Variants in AKAP6 observed in about 807,000 individuals in gnomAD.
AKAP6 encodes A-kinase anchor protein 6.
AKAP6 carries 58 observed loss-of-function variants against 188.5 expected under a neutral mutation model. That is an observed-to-expected ratio of 0.31 (90% CI 0.25 to 0.38). The LOEUF (loss-of-function observed/expected upper bound fraction) is 0.38. AKAP6 is among the 10% of genes least tolerant of loss of function. The pLI is 1.00. For synonymous variants in AKAP6, 989 were observed against 998.6 expected, an observed-to-expected ratio of 0.99 and a Z score of 0.18; for missense variants, 2,710 against 2,740.0, an observed-to-expected ratio of 0.99 and a Z score of 0.24.
rs1235466012 is a variant in AKAP6 at position 32,348,408 on chromosome 14, C to CT, written c.-35+19004dup. Among the ~76,000 whole-genome samples, 438 of 88,564 alleles carry CT rather than the reference C, an allele frequency of 4.9e-3. 7 individuals carry two copies. Among genetic ancestry groups the CT allele is most frequent in the Non-Finnish European group, 6.8e-3 (352 of 51,432 alleles). The allele number at this position is 88,564 out of a possible 152,430, so 58.1% of individuals were successfully genotyped here. A position where few individuals can be genotyped will look rare whatever the true frequency, so the allele number is the denominator to read the frequency against. ...TTGTCTGAATGGGGTTCTTTCTTTTCTTTTGTTTCTTTTTTTTTTTTTTTT... is the reference window on the plus strand; with the variant it reads ...TTGTCTGAATGGGGTTCTTTCTTTTCTTTTTGTTTCTTTTTTTTTTTTTTTT... On this transcript the variant is annotated intron_variant, in intron 1 of 13. Transcript: ENST00000280979.
intron 5 of AKAP6, among the ~76,000 whole-genome samples, chr14:32,581,881 T>C (rs556202982): frequency 6.2e-4 from 95 of 152,340 alleles, no homozygotes; most frequent in African/African-American, 2.2e-3. Flanking sequence ...TTTGAGCCTA[T>C]GTGTGTCTCT....
intron 2 of AKAP6, among the ~76,000 whole-genome samples, chr14:32,441,820 G>A (rs1957018): frequency 0.73 from 110,614 of 152,132 alleles, 41,222 homozygotes; most frequent in African/African-American, 0.88. Flanking sequence ...ATTAATACAG[G>A]TTTTACAATT....
chr14:32,476,463 T>G (rs1879070503), intron 2 of AKAP6, among the ~76,000 whole-genome samples: 1 of 152,212 alleles, frequency 6.6e-6, no homozygotes, highest in East Asian at 1.9e-4. Flanking sequence ...AGGTTTAAGT[T>G]GAACTTTCCT....
In AKAP6 at chr14:32,535,444, T is replaced by C. The variant is rs892091576; in HGVS notation, c.325-110T>C. 4 of 1,291,184 alleles carry C rather than the reference T, an allele frequency of 3.1e-6. No individual in the cohort carries two copies. The African/African-American group carries it at 4.5e-5, about 14-fold the overall frequency. The allele number at this position is 1,291,184 out of a possible 1,614,324, so 80.0% of individuals were successfully genotyped here. On this transcript the variant is annotated intron_variant, in intron 2 of 13. Coordinates refer to ENST00000280979, the MANE Select transcript of AKAP6 (RefSeq NM_004274.5). ...AGGCCCCAGGTATCCAATGTGCTAC[T>C]GTTGGCCCTGATAATTGGTGTTAGG...
At chr14:32,794,097 C>T (rs1488167462) in intron 12 of AKAP6, among the ~76,000 whole-genome samples, 1 of 152,140 alleles carries the variant, frequency 6.6e-6, no homozygotes, top group Non-Finnish European at 1.5e-5. Context: ...ATCACATAAT[C>T]AGAGGTAAAA....
chr14:32,358,550 C>CA (rs1437107978), intron 1 of AKAP6, among the ~76,000 whole-genome samples: 1 of 152,000 alleles, frequency 6.6e-6, no homozygotes, highest in African/African-American at 2.4e-5. Flanking sequence ...TGCAGTGAGC[C>CA]AGAGCAGTTG....
At chr14:32,729,776 C>A (rs1030636064) in intron 9 of AKAP6, among the ~76,000 whole-genome samples, 2 of 152,072 alleles carry the variant, frequency 1.3e-5, no homozygotes, top group African/African-American at 4.8e-5. Context: ...TTTACCTTAG[C>A]ACTCAAGAAA....
intron 8 of AKAP6, among the ~76,000 whole-genome samples, chr14:32,685,592 T>C (rs1343804940): frequency 2.0e-4 from 30 of 151,806 alleles, no homozygotes; most frequent in South Asian, 2.1e-4. Flanking sequence ...GGCATGGTGG[T>C]GGGCGCCTGT....
At chr14:32,518,703 C>T (rs1275822134) in intron 2 of AKAP6, among the ~76,000 whole-genome samples, 1 of 152,076 alleles carries the variant, frequency 6.6e-6, no homozygotes, top group Non-Finnish European at 1.5e-5. Context: ...TGTGAAAAGA[C>T]CAAATCTACG....
Position 32,576,323 on chromosome 14 carries a change from C to G in AKAP6, c.2347-797C>G, listed in dbSNP as rs545651014. Among the ~76,000 whole-genome samples, 4 of 152,154 alleles carry G rather than the reference C, an allele frequency of 2.6e-5. No homozygotes were observed. The East Asian group carries it at 7.7e-4, about 29-fold the overall frequency. ...CAGACACGGAAAGCAGGAGCCCAGC[C>G]CCATTTCTTTCACTTAGGTTTGCAG... is the stretch of plus-strand genomic sequence containing the variant. On this transcript the variant is annotated intron_variant, in intron 4 of 13. Transcript: ENST00000280979.
At position 32,830,014 on chromosome 14, in the gene AKAP6, G is replaced by A. The variant is rs760246616; in HGVS notation, c.*209G>A. Reference sequence around the variant, plus strand: ...GCCTTGTGATCTGAATGTGTGCGCTGGTTCTCTTTAGGTGATCGTCTTTGA... The same window carrying A: ...GCCTTGTGATCTGAATGTGTGCGCTAGTTCTCTTTAGGTGATCGTCTTTGA... On this transcript the variant is annotated 3_prime_UTR_variant, in exon 14 of 14. Coordinates refer to ENST00000280979, the MANE Select transcript of AKAP6 (RefSeq NM_004274.5). 1 of 701,132 alleles carries A rather than the reference G, an allele frequency of 1.4e-6. No individual in the cohort carries two copies. The highest frequency in any genetic ancestry group is 1.5e-5 in the South Asian group (1 of 67,430). The allele number at this position is 701,132 out of a possible 1,614,324, so 43.4% of individuals were successfully genotyped here. A position where few individuals can be genotyped will look rare whatever the true frequency, so the allele number is the denominator to read the frequency against.
intron 7 of AKAP6, among the ~76,000 whole-genome samples, chr14:32,660,934 CT>C (rs1555349819): frequency 0.19 from 12,510 of 64,602 alleles, 860 homozygotes; most frequent in East Asian, 0.42. Flanking sequence ...ACCCCCCCCC[CT>C]CCCAATTCCA....
intron 12 of AKAP6, among the ~76,000 whole-genome samples, chr14:32,774,915 C>T (rs1435726857): frequency 1.3e-5 from 2 of 152,136 alleles, no homozygotes; most frequent in Admixed American, 6.5e-5. Context: ...GCCTTAATAT[C>T]TGCTCTTTGA....
chr14:32,428,134 C>G (rs956006890), intron 1 of AKAP6, among the ~76,000 whole-genome samples: 3 of 152,160 alleles, frequency 2.0e-5, no homozygotes, highest in African/African-American at 7.2e-5. Flanking sequence ...TAACACAGTA[C>G]TATTAATTTA....
intron 1 of AKAP6, among the ~76,000 whole-genome samples, chr14:32,409,763 A>T (rs531730667): frequency 6.6e-6 from 1 of 152,344 alleles, no homozygotes; most frequent in Admixed American, 6.5e-5. Flanking sequence ...AAAATTCTAC[A>T]TGTTCCAACT....
rs753145276 is a variant in AKAP6 at position 32,824,414 on chromosome 14, A to C, written c.6601A>C (p.Ser2201Arg). 2 of 1,613,944 alleles carry C rather than the reference A, an allele frequency of 1.2e-6. No individual in the cohort carries two copies. Among genetic ancestry groups the C allele is most frequent in the Non-Finnish European group, 1.7e-6 (2 of 1,179,950 alleles). ...ATACSSEFSD[S>R]SLSADDADTV... is the part of the protein sequence containing the mutation. ...AGCATGTTCTTCTGAGTTCAGTGATAGTTCTCTTTCAGCTGATGATGCAGA... is the reference window on the plus strand; with the variant it reads ...AGCATGTTCTTCTGAGTTCAGTGATCGTTCTCTTTCAGCTGATGATGCAGA... Residue 2201 changes from serine to arginine, a missense_variant, in exon 13 of 14, where the codon AGT becomes CGT. By Grantham distance (110) the Ser-to-Arg change is moderately radical (BLOSUM62 -1). Transcript: ENST00000280979.
intron 1 of AKAP6, among the ~76,000 whole-genome samples, chr14:32,404,689 G>GATATATATATATATATATATATATAT (rs1566485487): frequency 2.0e-4 from 1 of 4,946 alleles, no homozygotes; most frequent in Non-Finnish European, 1.1e-3. Flanking sequence ...GAGGAGTCAG[G>GATATATATATATATATATATATATAT]AGATATATAT....
rs1883178487 is a variant in AKAP6 at position 32,545,948 on chromosome 14, C to T, written c.1295C>T (p.Pro432Leu). The T allele has an allele frequency of 6.2e-7, 1 of 1,614,196 alleles. No individual in the cohort carries two copies. Among genetic ancestry groups the T allele is most frequent in the African/African-American group, 1.3e-5 (1 of 75,056 alleles). ...SRSTPSLVDP[P>L]DRSKLCLVLQ... ...AGCACCCCTTCGCTAGTAGATCCTC[C>T]TGACAGATCCAAACTTTGCCTGGTA... is the stretch of plus-strand genomic sequence containing the variant. Residue 432 changes from proline to leucine, a missense_variant, in exon 4 of 14, where the codon CCT (proline) becomes CTT (leucine). Coordinates refer to ENST00000280979, the MANE Select transcript of AKAP6 (RefSeq NM_004274.5).
chr14:32,421,589 G>A (rs1458343743), intron 1 of AKAP6, among the ~76,000 whole-genome samples: 1 of 151,890 alleles, frequency 6.6e-6, no homozygotes, highest in Non-Finnish European at 1.5e-5. Context: ...TCCATGGATG[G>A]TGTGTTTCCT....
Sources: allele counts gnomAD v4.1 joint callset (sites outside exome capture counted in the v4.1 genomes callset), GRCh38; gene constraint gnomAD v4.1.1; transcripts MANE v1.5; gene names NCBI Gene and HGNC (gene_info 2026-07-23, HGNC 2026-07-21).